GULP1: variants seen among roughly 807,000 people sequenced by gnomAD.
GULP1 encodes the protein PTB domain-containing engulfment adapter protein 1.
In GULP1, 19 loss-of-function variants were observed where a neutral mutation model predicts 40.9. The ratio of observed to expected loss-of-function variants is 0.46; its 90% confidence interval spans 0.32 to 0.68. The LOEUF is 0.68. GULP1 is among the 30% of genes least tolerant of loss of function. GULP1 has a pLI of 0.03. For missense variants in GULP1, 312 were observed against 362.2 expected, an observed-to-expected ratio of 0.86 and a Z score of 1.12; for synonymous variants, 119 against 117.6, an observed-to-expected ratio of 1.01 and a Z score of -0.08.
chr2:188,464,017 G>A (rs1190215513), intron 2 of GULP1, among the ~76,000 whole-genome samples: 2 of 151,974 alleles, frequency 1.3e-5, no homozygotes, highest in Admixed American at 1.3e-4. Flanking sequence ...GTTCCCTGAT[G>A]TCTTATTTAG....
At chr2:188,591,424 A>G (rs1357909448) in intron 11 of GULP1, 1 of 152,018 alleles carries the variant, frequency 6.6e-6, no homozygotes, top group Non-Finnish European at 1.5e-5. Flanking sequence ...ACTTTAAAGC[A>G]ATCTATTCTG....
intron 2 of GULP1, among the ~76,000 whole-genome samples, chr2:188,435,065 A>C (rs1024112262): frequency 1.3e-5 from 2 of 152,018 alleles, no homozygotes; most frequent in African/African-American, 4.8e-5. Flanking sequence ...TAATAGATAG[A>C]AGTATAGCTT....
intron 1 of GULP1, among the ~76,000 whole-genome samples, chr2:188,319,351 T>G (rs2039620272): frequency 6.6e-6 from 1 of 152,132 alleles, no homozygotes; most frequent in Non-Finnish European, 1.5e-5. Flanking sequence ...AAACAATAGT[T>G]TAGTATGCAT....
chr2:188,403,258 A>G (rs1200332219), intron 2 of GULP1, among the ~76,000 whole-genome samples: 1 of 152,086 alleles, frequency 6.6e-6, no homozygotes, highest in Admixed American at 6.5e-5. Flanking sequence ...TTTTATTTAC[A>G]TGATTTCTAG....
chr2:188,489,480 T>G (rs1373335849), intron 4 of GULP1, among the ~76,000 whole-genome samples: 1 of 152,076 alleles, frequency 6.6e-6, no homozygotes, highest in East Asian at 1.9e-4. Flanking sequence ...ACATGACCTT[T>G]AAAAAACATT....
At chr2:188,317,587 A>G (rs751438808) in intron 1 of GULP1, among the ~76,000 whole-genome samples, 8 of 152,098 alleles carry the variant, frequency 5.3e-5, no homozygotes, top group Non-Finnish European at 1.0e-4. Flanking sequence ...TGTATTGAAA[A>G]GGCCACTTAC....
intron 2 of GULP1, among the ~76,000 whole-genome samples, chr2:188,397,038 G>A (rs2051379490): frequency 6.6e-6 from 1 of 152,180 alleles, no homozygotes; most frequent in South Asian, 2.1e-4. Context: ...CACATTCGTA[G>A]GACTTGGTTT....
chr2:188,548,098 A>G (rs1306043551), intron 7 of GULP1, among the ~76,000 whole-genome samples: 2 of 152,084 alleles, frequency 1.3e-5, no homozygotes, highest in African/African-American at 4.8e-5. Context: ...CTTGGCTCAT[A>G]TGAAACACAG....
intron 2 of GULP1, among the ~76,000 whole-genome samples, chr2:188,395,294 T>A (rs1340554795): frequency 6.6e-6 from 1 of 152,246 alleles, no homozygotes; most frequent in Non-Finnish European, 1.5e-5. Flanking sequence ...TGCACAAATG[T>A]GCATATTCCA....
intron 6 of GULP1, among the ~76,000 whole-genome samples, chr2:188,530,909 TC>T (rs1348314022): frequency 6.6e-6 from 1 of 152,348 alleles, no homozygotes; most frequent in African/African-American, 2.4e-5. Context: ...GTCAAAGTGT[TC>T]TTCTAACACC....
intron 1 of GULP1, among the ~76,000 whole-genome samples, chr2:188,337,385 C>T (rs1238645093): frequency 6.6e-6 from 1 of 150,824 alleles, no homozygotes; most frequent in African/African-American, 2.4e-5. Flanking sequence ...AGTGATCCAC[C>T]CACCTTGGCC....
intron 2 of GULP1, among the ~76,000 whole-genome samples, chr2:188,389,230 T>TGG (rs2050194052): frequency 6.6e-6 from 1 of 152,214 alleles, no homozygotes; most frequent in Non-Finnish European, 1.5e-5. Flanking sequence ...TTTCCTGTGT[T>TGG]CAAACCTTTG....
intron 3 of GULP1, among the ~76,000 whole-genome samples, chr2:188,477,953 T>C (rs764209008): frequency 1.3e-5 from 2 of 152,146 alleles, no homozygotes; most frequent in African/African-American, 2.4e-5. Flanking sequence ...ACAATACATA[T>C]GTGATAATAT....
chr2:188,591,144 T>A (rs1326391712), intron 11 of GULP1: 1 of 152,022 alleles, frequency 6.6e-6, no homozygotes, highest in Admixed American at 6.6e-5. Context: ...AAGCACTAGT[T>A]CACAAAAGAA....
At chr2:188,293,740 T>G (rs2034315413) in intron 1 of GULP1, 1 of 152,196 alleles carries the variant, frequency 6.6e-6, no homozygotes, top group African/African-American at 2.4e-5. Flanking sequence ...AAGGTCTCCT[T>G]GAGCTGTCCA....
At chr2:188,491,770 C>T (rs2062414109) in intron 4 of GULP1, among the ~76,000 whole-genome samples, 2 of 152,060 alleles carry the variant, frequency 1.3e-5, no homozygotes, top group Admixed American at 1.3e-4. Flanking sequence ...AATAATGTCT[C>T]AGCCCTTAGG....
At chr2:188,327,583 A>C (rs2040934146) in intron 1 of GULP1, among the ~76,000 whole-genome samples, 1 of 152,134 alleles carries the variant, frequency 6.6e-6, no homozygotes. Context: ...AAGACCCTGC[A>C]TCTTATTCAC....
chr2:188,465,957 G>A (rs2060077767), intron 2 of GULP1, among the ~76,000 whole-genome samples: 2 of 150,464 alleles, frequency 1.3e-5, no homozygotes, highest in Admixed American at 6.6e-5. Flanking sequence ...TTATGAAGGT[G>A]TGTGTGTGTG....
chr2:188,464,407 C>T (rs1430327723), intron 2 of GULP1, among the ~76,000 whole-genome samples: 1 of 152,152 alleles, frequency 6.6e-6, no homozygotes, highest in Admixed American at 6.5e-5. Flanking sequence ...GGTAGAGTGG[C>T]ACATCACCCC....
Sources: allele counts gnomAD v4.1 joint callset (sites outside exome capture counted in the v4.1 genomes callset), GRCh38; gene constraint gnomAD v4.1.1; transcripts MANE v1.5; gene names NCBI Gene and HGNC (gene_info 2026-07-23, HGNC 2026-07-21).